KMT5C: variants seen among roughly 807,000 people sequenced by gnomAD.
KMT5C encodes lysine methyltransferase 5C.
Under a neutral mutation model 38.2 loss-of-function variants are expected in KMT5C, and 16 were observed. The observed-to-expected ratio is 0.42, with a 90% confidence interval of 0.28 to 0.64. KMT5C has a LOEUF of 0.64. Ranked by LOEUF, KMT5C falls within the 30% of genes least tolerant of loss-of-function variation. The pLI is 0.23. For synonymous variants in KMT5C, 291 were observed against 279.0 expected (o/e 1.04, Z -0.43); for missense variants, 598 against 665.1 (o/e 0.90, Z 1.11).
chr19:55,341,299 TC>T (rs1382007807), intron 1 of KMT5C, among the ~76,000 whole-genome samples: 1 of 151,076 alleles, frequency 6.6e-6, no homozygotes, highest in Non-Finnish European at 1.5e-5. Context: ...CTCCCTCCCG[TC>T]ACCCGCCTCC....
intron 4 of KMT5C, 55 bp downstream of exon 4, chr19:55,342,906 G>A: frequency 1.8e-6 from 2 of 1,081,152 alleles, no homozygotes; most frequent in Non-Finnish European, 2.9e-6. Context: ...GCTCAGAGGG[G>A]ACAAGAGAGA....
chr19:55,347,468 C>G lies in KMT5C; in HGVS notation c.*19C>G, dbSNP rs1487996693. On this transcript the variant is annotated 3_prime_UTR_variant, in exon 9 of 9. Coordinates refer to ENST00000255613, the MANE Select transcript of KMT5C (RefSeq NM_032701.4). This position sits in a 1 kb window ranked among gnomAD's most constrained non-coding sequence, Gnocchi z 4.6. ...GCTGTGACAGGCCGGACGGGGAGGCCCAGCAGGGAGAGAGGGTCTCTCTCC... is the reference window on the plus strand; with the variant it reads ...GCTGTGACAGGCCGGACGGGGAGGCGCAGCAGGGAGAGAGGGTCTCTCTCC... The G allele has an allele frequency of 6.6e-7, 1 of 1,514,448 alleles. No homozygotes were observed. The highest frequency in any genetic ancestry group is 2.3e-5 in the East Asian group (1 of 43,940). The allele number at this position is 1,514,448 out of a possible 1,614,324, so 93.8% of individuals were successfully genotyped here.
chr19:55,346,169 C>G (rs1413351575), intron 6 of KMT5C, 44 bp from the exon 7 acceptor site: 28 of 1,611,182 alleles, frequency 1.7e-5, no homozygotes, highest in Non-Finnish European at 2.4e-5. Flanking sequence ...GGTGAGCCCT[C>G]CCCTGTGCCC....
chr19:55,344,034 G>A (rs1390221654), intron 6 of KMT5C, 37 bp downstream of exon 6: 6 of 1,602,810 alleles, frequency 3.7e-6, no homozygotes, highest in African/African-American at 1.3e-5. Context: ...GGGCACGCAG[G>A]AAGAAAGGGT....
In KMT5C at chr19:55,346,984, C is replaced by G. The variant is rs1600268519; in HGVS notation, c.924C>G (p.Ala308=). The change falls in exon 9 of 9, where the codon GCC becomes GCG. Residue 308 remains alanine (A), a synonymous_variant. Coordinates refer to ENST00000255613, the MANE Select transcript of KMT5C (RefSeq NM_032701.4). The part of the protein sequence containing the change: ...CAACQPLRLP[A]CSARPDTSPL... ...CCTGCCAGCCCCTGCGCCTGCCAGCCTGCAGCGCCCGCCCAGACACCTCAC... is the reference window on the plus strand; with the variant it reads ...CCTGCCAGCCCCTGCGCCTGCCAGCGTGCAGCGCCCGCCCAGACACCTCAC... 1.7e-6 allele frequency: 2 copies of G among 1,155,788 alleles called. No homozygotes were observed. The highest frequency in any genetic ancestry group is 4.7e-5 in the East Asian group (2 of 42,754). The allele number at this position is 1,155,788 out of a possible 1,614,324, so 71.6% of individuals were successfully genotyped here. A position where few individuals can be genotyped will look rare whatever the true frequency, so the allele number is the denominator to read the frequency against.
At position 55,347,541 on chromosome 19, in the gene KMT5C, G is replaced by A; in HGVS notation, c.*92G>A. ...GAAGGAGCCCTTGGACCTCTGGGAG[G>A]GAGCTGACCCTTGACTCCAGCATAG... On this transcript the variant is annotated 3_prime_UTR_variant, in exon 9 of 9. Coordinates refer to ENST00000255613, the MANE Select transcript of KMT5C (RefSeq NM_032701.4). The surrounding 1 kb of genome is among the most constrained non-coding windows in gnomAD (Gnocchi z 4.6). The A allele has an allele frequency of 2.1e-6, 3 of 1,451,034 alleles. No individual in the cohort carries two copies. Among genetic ancestry groups the A allele is most frequent in the Non-Finnish European group, 2.7e-6 (3 of 1,108,194 alleles). 89.9% of individuals were successfully genotyped at this position (1,451,034 alleles called of 1,614,324 possible).
chr19:55,342,721 C>T, intron 3 of KMT5C, 21 bp from the exon 4 acceptor site: 1 of 1,427,504 alleles, frequency 7.0e-7, no homozygotes, highest in Non-Finnish European at 9.9e-7. Flanking sequence ...GCCTCCTCAC[C>T]CCCACCCTCA....
chr19:55,342,582 C>T (rs1038918807), intron 3 of KMT5C, 160 bp from the exon 4 acceptor site: 3 of 642,046 alleles, frequency 4.7e-6, no homozygotes, highest in African/African-American at 3.6e-5. Flanking sequence ...GTAGTCCAAC[C>T]TCTTCATTTG....
intron 1 of KMT5C, 151 bp from the exon 2 acceptor site, chr19:55,341,643 G>T: frequency 2.2e-6 from 1 of 460,372 alleles, no homozygotes; most frequent in Non-Finnish European, 4.0e-6. Context: ...GTGTTTAGGG[G>T]GGATCTGTGT....
At position 55,346,530 on chromosome 19, in the gene KMT5C, T is replaced by C; in HGVS notation, c.738T>C (p.Pro246=). The C allele has an allele frequency of 6.3e-7, 1 of 1,597,636 alleles. No homozygotes were observed. The highest frequency in any genetic ancestry group is 8.5e-7 in the Non-Finnish European group (1 of 1,172,702). Reference sequence around the variant, plus strand: ...GTGAAGGAGCTTTCCGAACCAGGCCTAGGGAGCCCGCGTTGCCACCACGGC... The same window carrying C: ...GTGAAGGAGCTTTCCGAACCAGGCCCAGGGAGCCCGCGTTGCCACCACGGC... ...RKGEGAFRTR[P]REPALPPRPL... The change falls in exon 8 of 9, where the codon CCT becomes CCC. Residue 246 remains proline (P), a synonymous_variant. Coordinates refer to ENST00000255613, the MANE Select transcript of KMT5C (RefSeq NM_032701.4).
At position 55,347,316 on chromosome 19, in the gene KMT5C, C is replaced by T; in HGVS notation, c.1256C>T (p.Pro419Leu). The T allele has an allele frequency of 6.4e-7, 1 of 1,574,372 alleles. No individual in the cohort carries two copies. Among genetic ancestry groups the T allele is most frequent in the Non-Finnish European group, 8.6e-7 (1 of 1,163,384 alleles). The change falls in exon 9 of 9, where the codon CCT becomes CTT. Residue 419 changes from proline to leucine, a missense_variant. Pro to Leu is a moderately conservative substitution (Grantham distance 98). Around this residue, in one of 3 missense-constraint regions of KMT5C, gnomAD observed 326 missense variants for 298.1 expected, o/e 1.09. Transcript: ENST00000255613. This position sits in a 1 kb window ranked among gnomAD's most constrained non-coding sequence, Gnocchi z 4.6. ...LAPAPPATPA[P>L]AGTPGPILIP... ...CCAGCCCCACCAGCTACCCCAGCCC[C>T]TGCTGGGACCCCAGGCCCCATCCTG...
chr19:55,347,207 C>T lies in KMT5C; in HGVS notation c.1147C>T (p.Arg383Cys), dbSNP rs942086092. The change falls in exon 9 of 9, where the codon CGC becomes TGC. Residue 383 changes from arginine to cysteine, a missense_variant. This residue lies in a region of KMT5C where 326 missense variants were observed against 298.1 expected (regional missense o/e 1.09). Transcript: ENST00000255613. This position sits in a 1 kb window ranked among gnomAD's most constrained non-coding sequence, Gnocchi z 4.6. ...GGCCCTGGGCCAGCCCCCCCACGCC[C>T]GCTGGGCCCCTCAGCAGGACTGGCA... ...LVALGQPPHA[R>C]WAPQQDWHWA... 3.2e-6 allele frequency: 5 copies of T among 1,539,666 alleles called. No individual in the cohort carries two copies. The highest frequency in any genetic ancestry group is 3.5e-6 in the Non-Finnish European group (4 of 1,146,922).
At position 55,342,199 on chromosome 19, in the gene KMT5C, A is replaced by G. The variant is rs533847871; in HGVS notation, c.111-16A>G. 26 of 1,606,866 alleles carry G rather than the reference A, an allele frequency of 1.6e-5. No individual in the cohort carries two copies. In the South Asian group the frequency reaches 2.0e-4, roughly 12 times the overall value. On this transcript the variant is annotated splice_polypyrimidine_tract_variant and intron_variant, in intron 2 of 8. Coordinates refer to ENST00000255613, the MANE Select transcript of KMT5C (RefSeq NM_032701.4). ...CCCGGGAAGGCCCTGGGACCCAGGC[A>G]TGCCCTCTCCCCCAGCCCTGTGCCC...
Position 55,344,341 on chromosome 19 carries a change from C to G in KMT5C, c.570+344C>G, listed in dbSNP as rs1310442401. On this transcript the variant is annotated intron_variant, in intron 6 of 8. Coordinates refer to ENST00000255613, the MANE Select transcript of KMT5C (RefSeq NM_032701.4). The stretch of plus-strand genomic sequence containing the variant: ...CGCGCCACTGCACTCCAGCCTGGGC[C>G]ACAGAGCGAGACTCTGTCTCAAAAA... 1.1e-4 allele frequency: 31 copies of G among 273,332 alleles called. No individual in the cohort carries two copies. In the East Asian group the frequency reaches 1.6e-3, roughly 14 times the overall value. 16.9% of individuals were successfully genotyped at this position (273,332 alleles called of 1,614,324 possible).
At chr19:55,340,436 G>A (rs944277415) in intron 1 of KMT5C, among the ~76,000 whole-genome samples, 2 of 151,300 alleles carry the variant, frequency 1.3e-5, no homozygotes, top group Admixed American at 6.6e-5. Context: ...GTCTTTCTGT[G>A]CCCTAGAACC....
intron 6 of KMT5C, chr19:55,345,054 G>A (rs1311786945): frequency 2.2e-6 from 1 of 455,986 alleles, no homozygotes; most frequent in Non-Finnish European, 4.4e-6. Flanking sequence ...CGCTGGGGGG[G>A]ATGGAAACAA....
chr19:55,341,890 C>A lies in KMT5C; in HGVS notation c.-47C>A, dbSNP rs753431372. ...AGGCTCCCCGCGCCTGCCTTGCCCT[C>A]ACCTGCTCCTGCTCTCTGCCAGAGG... is the stretch of plus-strand genomic sequence containing the variant. On this transcript the variant is annotated 5_prime_UTR_variant, in exon 2 of 9. Coordinates refer to ENST00000255613, the MANE Select transcript of KMT5C (RefSeq NM_032701.4). 5.3e-6 allele frequency: 8 copies of A among 1,514,636 alleles called. No homozygotes were observed. Among genetic ancestry groups the A allele is most frequent in the Non-Finnish European group, 7.3e-6 (8 of 1,090,860 alleles). The allele number at this position is 1,514,636 out of a possible 1,614,324, so 93.8% of individuals were successfully genotyped here. A position where few individuals can be genotyped will look rare whatever the true frequency, so the allele number is the denominator to read the frequency against.
intron 1 of KMT5C, among the ~76,000 whole-genome samples, chr19:55,341,238 C>T (rs1700945402): frequency 6.6e-6 from 1 of 152,216 alleles, no homozygotes; most frequent in African/African-American, 2.4e-5. Flanking sequence ...CTGAGCCCCC[C>T]TCCCCTGGAA....
chr19:55,345,031 C>T (rs2089601988), intron 6 of KMT5C: 1 of 456,138 alleles, frequency 2.2e-6, no homozygotes, highest in Admixed American at 2.4e-5. Flanking sequence ...CCTGGTCTGA[C>T]ACCACACACA....
Sources: allele counts gnomAD v4.1 joint callset (sites outside exome capture counted in the v4.1 genomes callset), GRCh38; gene constraint gnomAD v4.1.1; regional missense constraint gnomAD v4.1.1; non-coding constraint Gnocchi (gnomAD v3.1); transcripts MANE v1.5; gene names NCBI Gene and HGNC (gene_info 2026-07-23, HGNC 2026-07-21).